The following MYO6 variants were observed in gnomAD, a reference collection of about 807,000 sequenced individuals.
MYO6 encodes myosin VI, also known as unconventional myosin-VI.
MYO6 carries 74 observed loss-of-function variants against 178.7 expected under a neutral mutation model. The observed-to-expected ratio is 0.41, with a 90% CI of 0.34 to 0.50. The LOEUF (loss-of-function observed/expected upper bound fraction) is 0.50, where lower values mean the gene tolerates loss of function less well. Ranked by LOEUF, MYO6 falls within the 20% of genes least tolerant of loss-of-function variation. MYO6 has a pLI of 0.09. For synonymous variants in MYO6, 477 were observed against 504.6 expected (o/e 0.95, Z 0.73); for missense variants, 1,330 against 1,547.4 (o/e 0.86, Z 2.36).
At chr6:75,827,117 C>T (rs1772554086) in intron 3 of MYO6, among the ~76,000 whole-genome samples, 1 of 152,184 alleles carries the variant, frequency 6.6e-6, no homozygotes, top group Admixed American at 6.5e-5. Flanking sequence ...AATCAGGCAG[C>T]ATCTTGCCCC....
At chr6:75,807,814 A>C (rs565051109) in intron 1 of MYO6, among the ~76,000 whole-genome samples, 5 of 152,164 alleles carry the variant, frequency 3.3e-5, no homozygotes, top group Admixed American at 2.6e-4. Flanking sequence ...TCTTTACTGC[A>C]GCCCGTTTTA....
intron 9 of MYO6, among the ~76,000 whole-genome samples, chr6:75,842,054 A>T (rs1774285130): frequency 6.6e-6 from 1 of 152,214 alleles, no homozygotes; most frequent in African/African-American, 2.4e-5. Flanking sequence ...AGGACACATG[A>T]TTGAATTTCT....
At chr6:75,760,392 A>G (rs1449053846) in intron 1 of MYO6, among the ~76,000 whole-genome samples, 1 of 152,160 alleles carries the variant, frequency 6.6e-6, no homozygotes, top group East Asian at 1.9e-4. Context: ...CCCCCAAAAC[A>G]ATTAGATTAT....
At chr6:75,881,934 C>G in intron 23 of MYO6, 116 bp downstream of exon 23, 1 of 1,219,778 alleles carries the variant, frequency 8.2e-7, no homozygotes, top group Middle Eastern at 2.2e-4. Flanking sequence ...CTTGTTCACA[C>G]TGGGTCCCAG....
intron 1 of MYO6, among the ~76,000 whole-genome samples, chr6:75,785,098 A>G (rs990190319): frequency 2.6e-5 from 4 of 152,196 alleles, no homozygotes; most frequent in Non-Finnish European, 5.9e-5. Context: ...TTTATTGAGC[A>G]TCAACTGTAT....
chr6:75,784,988 C>A (rs1767389919), intron 1 of MYO6, among the ~76,000 whole-genome samples: 1 of 152,034 alleles, frequency 6.6e-6, no homozygotes, highest in Admixed American at 6.6e-5. Context: ...GTATTCAGTG[C>A]ACACTTTCAT....
intron 1 of MYO6, among the ~76,000 whole-genome samples, chr6:75,807,907 C>T (rs1770262743): frequency 6.6e-6 from 1 of 152,120 alleles, no homozygotes; most frequent in Non-Finnish European, 1.5e-5. Flanking sequence ...GTCTACAAAC[C>T]AGTAGGTTTT....
intron 1 of MYO6, among the ~76,000 whole-genome samples, chr6:75,766,483 A>G (rs987268315): frequency 2.0e-5 from 3 of 152,188 alleles, no homozygotes; most frequent in Non-Finnish European, 2.9e-5. Context: ...TATAGTAATT[A>G]CATTAATATA....
chr6:75,863,255 G>A (rs9360946), intron 16 of MYO6, among the ~76,000 whole-genome samples: 19,528 of 152,140 alleles, frequency 0.13, 1,324 homozygotes, highest in Non-Finnish European at 0.15. Context: ...CAGCAGTTAA[G>A]GTTGTGGCTT....
chr6:75,756,996 A>AC (rs1263730649), intron 1 of MYO6, among the ~76,000 whole-genome samples: 19 of 138,038 alleles, frequency 1.4e-4, no homozygotes, highest in Admixed American at 1.3e-3. Context: ...ATGTATACAC[A>AC]CATATATAGT....
intron 15 of MYO6, 22 bp from the exon 16 acceptor site, chr6:75,862,574 G>A (rs1457161857): frequency 2.5e-6 from 4 of 1,593,496 alleles, no homozygotes; most frequent in Non-Finnish European, 2.6e-6. Flanking sequence ...ACTATTGTGA[G>A]TGTTTTCATT....
chr6:75,778,318 G>A (rs1437536917), intron 1 of MYO6, among the ~76,000 whole-genome samples: 1 of 152,146 alleles, frequency 6.6e-6, no homozygotes, highest in Non-Finnish European at 1.5e-5. Context: ...TTTCTGGCCG[G>A]GCACAGTGGC....
intron 19 of MYO6, among the ~76,000 whole-genome samples, chr6:75,871,989 C>T (rs976846058): frequency 1.3e-5 from 2 of 151,884 alleles, no homozygotes; most frequent in Admixed American, 1.3e-4. Context: ...ATTAGCTGGG[C>T]ATGGTGGGGC....
At chr6:75,898,234 C>A in intron 29 of MYO6, 139 bp from the exon 30 acceptor site, 1 of 567,470 alleles carries the variant, frequency 1.8e-6, no homozygotes. Flanking sequence ...ATATTCTAGG[C>A]ATTAACAAAG....
At chr6:75,893,677 C>T (rs1440248322) in intron 28 of MYO6, among the ~76,000 whole-genome samples, 1 of 152,162 alleles carries the variant, frequency 6.6e-6, no homozygotes, top group East Asian at 1.9e-4. Flanking sequence ...ACTGCAATAA[C>T]TTTTGCACCC....
At chr6:75,818,411 C>A (rs1173619850) in intron 2 of MYO6, among the ~76,000 whole-genome samples, 3 of 152,106 alleles carry the variant, frequency 2.0e-5, no homozygotes, top group Non-Finnish European at 1.5e-5. Context: ...TCTTTTTATT[C>A]TTTTGGTTCC....
At chr6:75,811,548 G>T (rs1422169923) in intron 1 of MYO6, among the ~76,000 whole-genome samples, 2 of 152,208 alleles carry the variant, frequency 1.3e-5, no homozygotes, top group Non-Finnish European at 2.9e-5. Context: ...ATAGTTAACA[G>T]TTGAAAATAG....
rs1380318480 is a variant in MYO6, at chr6:75,891,309, ATGTACTTAC to A, written c.2946+6_2946+14del. On this transcript the variant is annotated splice_donor_5th_base_variant and intron_variant, in intron 27 of 34. Coordinates refer to ENST00000369977, the MANE Select transcript of MYO6 (RefSeq NM_004999.4). ...AAGATGATGAAAAACGCATTCAAGT[ATGTACTTAC>A]TGGGTTGAATTTCTATTAAAATGGA... The A allele has an allele frequency of 1.9e-6, 3 of 1,597,324 alleles. No homozygotes were observed. The highest frequency in any genetic ancestry group is 2.6e-6 in the Non-Finnish European group (3 of 1,167,948).
intron 1 of MYO6, among the ~76,000 whole-genome samples, chr6:75,816,637 A>T (rs535991152): frequency 6.6e-6 from 1 of 152,354 alleles, no homozygotes; most frequent in Admixed American, 6.5e-5. Flanking sequence ...AAAATGGCAT[A>T]CTGAGTAGTT....
Sources: gnomAD v4.1 joint callset for allele counts (sites outside exome capture counted in the v4.1 genomes callset) on GRCh38, gnomAD v4.1.1 for gene constraint, MANE v1.5 for transcripts, NCBI Gene and HGNC (gene_info 2026-07-23, HGNC 2026-07-21) for gene names.